POMT2: variants seen among roughly 807,000 people sequenced by gnomAD.
POMT2 encodes protein O-mannosyltransferase 2, also known as protein O-mannosyl-transferase 2.
In POMT2, 75 loss-of-function variants were observed where a neutral mutation model predicts 100.0. That is an observed-to-expected ratio of 0.75 (90% confidence interval 0.62 to 0.91). POMT2 has a LOEUF of 0.91. Ranked by LOEUF, POMT2 falls within the 40% of genes least tolerant of loss-of-function variation. The pLI is 0.00. For missense variants in POMT2, 940 were observed against 955.1 expected, an observed-to-expected ratio of 0.98 and a Z score of 0.21; for synonymous variants, 378 against 374.1, an observed-to-expected ratio of 1.01 and a Z score of -0.12.
Position 77,280,436 on chromosome 14 carries a change from T to C in POMT2, c.1681A>G (p.Asn561Asp), listed in dbSNP as rs1006561976. ...RGNSGLKPKD[N>D]EFTSKPWHWP... is the part of the protein sequence containing the mutation. Reference sequence around the variant, plus strand: ...TGCCAGGGTTTGGACGTGAACTCATTGTCCTTGGGTTTGAGGCCACTGTTC... The same window carrying C: ...TGCCAGGGTTTGGACGTGAACTCATCGTCCTTGGGTTTGAGGCCACTGTTC... The change falls in exon 16 of 21, where the codon AAT becomes GAT. Residue 561 changes from asparagine (N) to aspartate (D), a missense_variant. Physicochemically the swap from Asn to Asp is conservative, Grantham distance 23. Transcript: ENST00000261534. 9.3e-6 allele frequency: 15 copies of C among 1,614,094 alleles called. No homozygotes were observed. In the Admixed American group the frequency reaches 2.2e-4, roughly 23 times the overall value.
At chr14:77,312,084 C>A in intron 1 of POMT2, 51 bp from the exon 2 acceptor site, 1 of 1,599,638 alleles carries the variant, frequency 6.3e-7, no homozygotes, top group South Asian at 1.1e-5. Flanking sequence ...ATCATAAAAT[C>A]CAAATGGCCT....
chr14:77,306,398 G>C lies in POMT2; in HGVS notation c.377C>G (p.Thr126Ser). 4 of 1,613,222 alleles carry C rather than the reference G, an allele frequency of 2.5e-6. No homozygotes were observed. The highest frequency in any genetic ancestry group is 3.4e-6 in the Non-Finnish European group (4 of 1,179,260). Residue 126 changes from threonine to serine, a missense_variant, in exon 3 of 21, where the codon ACC becomes AGC. Transcript: ENST00000261534. Reference sequence around the variant, plus strand: ...ATCCCCAGGCTTCTGGAACAAAAAGGTACCATCATATCCACTCAGGTAGCC... The same window carrying C: ...ATCCCCAGGCTTCTGGAACAAAAAGCTACCATCATATCCACTCAGGTAGCC... ...LAGYLSGYDGTFLFQKPGDKY... is the reference protein window; with the variant it reads ...LAGYLSGYDGSFLFQKPGDKY...
At position 77,288,811 on chromosome 14, in the gene POMT2, G is replaced by A; in HGVS notation, c.1204C>T (p.Pro402Ser). The stretch of plus-strand genomic sequence containing the variant: ...TCTCCATGTCTTACAAACTCCACTG[G>A]GAAGGAAGGGTCTAGGGGATCTGCC... Reference protein sequence around the residue: ...TNSDPLDPSFPVEFVRHGDII... With the variant: ...TNSDPLDPSFSVEFVRHGDII... The change falls in exon 11 of 21, where the codon CCA (proline) becomes TCA (serine). Residue 402 changes from proline (P) to serine (S), a missense_variant. By Grantham distance (74) the Pro-to-Ser change is moderately conservative. Coordinates refer to ENST00000261534, the MANE Select transcript of POMT2 (RefSeq NM_013382.7). 1 of 1,613,790 alleles carries A rather than the reference G, an allele frequency of 6.2e-7. No homozygotes were observed. The highest frequency in any genetic ancestry group is 8.5e-7 in the Non-Finnish European group (1 of 1,179,898).
Position 77,302,832 on chromosome 14 carries a change from G to C in POMT2, c.656+3C>G, listed in dbSNP as rs561052172. The C allele has an allele frequency of 9.2e-5, 148 of 1,607,862 alleles. No homozygotes were observed. The highest frequency in any genetic ancestry group is 8.3e-5 in the Admixed American group (5 of 59,982). On this transcript the variant is annotated splice_donor_region_variant and intron_variant, in intron 5 of 20. Coordinates refer to ENST00000261534, the MANE Select transcript of POMT2 (RefSeq NM_013382.7). ...CTCCCCTCCCGGGGATGGAGTTTCT[G>C]ACCTGTCGGCGCAAGAGTTGTACTT...
Position 77,307,858 on chromosome 14 carries a change from C to CTTTT in POMT2, c.334-1421_334-1418dup, listed in dbSNP as rs57755259. On this transcript the variant is annotated intron_variant, in intron 2 of 20. Transcript: ENST00000261534. ...AAAAGTAGCCCCAAGTTAATTTCTT[C>CTTTT]TTTTTTTTTTTTTTTTTTTTTTGAG... 6.9e-3 allele frequency among the ~76,000 whole-genome samples: 703 copies of CTTTT among 101,184 alleles called. 7 individuals are homozygous for CTTTT. Among genetic ancestry groups the CTTTT allele is most frequent in the African/African-American group, 0.011 (280 of 24,428 alleles). The allele number at this position is 101,184 out of a possible 152,430, so 66.4% of individuals were successfully genotyped here.
intron 8 of POMT2, 73 bp from the exon 9 acceptor site, chr14:77,296,346 CG>C: frequency 9.2e-7 from 1 of 1,081,998 alleles, no homozygotes. Flanking sequence ...CGAGGAGCCT[CG>C]GAAGCCACAG....
chr14:77,306,668 G>A, intron 2 of POMT2: 1 of 457,172 alleles, frequency 2.2e-6, no homozygotes, highest in Admixed American at 3.4e-5. Flanking sequence ...TATGGCCGAG[G>A]TCTAGGAACA....
chr14:77,286,643 AG>A (rs1566648139), intron 12 of POMT2, 100 bp downstream of exon 12: 3 of 1,544,040 alleles, frequency 1.9e-6, no homozygotes, highest in Non-Finnish European at 2.7e-6. Flanking sequence ...TCTTATCCTC[AG>A]GAACATTCCA....
Position 77,299,539 on chromosome 14 carries a change from G to A in POMT2, c.839C>T (p.Thr280Ile), listed in dbSNP as rs920215337. Residue 280 changes from threonine (T) to isoleucine (I), a missense_variant, in exon 7 of 21, where the codon ACT becomes ATT. Thr to Ile is a moderately conservative substitution (Grantham distance 89). Coordinates refer to ENST00000261534, the MANE Select transcript of POMT2 (RefSeq NM_013382.7). ...CACTATGAGGCACAGGACACGAGCA[G>A]TCAGGTGTTTTCCCACAGTCACCTG... ...LSLVTVGKHL[T>I]ARVLCLIVLP... 1.9e-6 allele frequency: 3 copies of A among 1,614,058 alleles called. No homozygotes were observed. The highest frequency in any genetic ancestry group is 2.5e-6 in the Non-Finnish European group (3 of 1,180,012).
chr14:77,320,285 C>T (rs1391239622), intron 1 of POMT2, 149 bp downstream of exon 1: 2 of 1,392,830 alleles, frequency 1.4e-6, no homozygotes, highest in Non-Finnish European at 2.0e-6. Flanking sequence ...ATGCACCTCG[C>T]CAGAGGCCAA....
At chr14:77,283,931 C>G in intron 14 of POMT2, 58 bp from the exon 15 acceptor site, 1 of 1,398,548 alleles carries the variant, frequency 7.2e-7, no homozygotes, top group Non-Finnish European at 1.0e-6. Flanking sequence ...CTCAGTCTGT[C>G]CATGGTGTCC....
intron 20 of POMT2, 113 bp from the exon 21 acceptor site, chr14:77,277,594 G>A (rs762940561): frequency 2.1e-5 from 18 of 877,800 alleles, no homozygotes; most frequent in South Asian, 4.1e-5. Flanking sequence ...CGCCAAGCCC[G>A]GTTCTCTTTC....
intron 2 of POMT2, among the ~76,000 whole-genome samples, 177 bp downstream of exon 2, chr14:77,311,772 G>A (rs532967573): frequency 2.6e-5 from 4 of 152,210 alleles, no homozygotes; most frequent in East Asian, 1.9e-4. Flanking sequence ...GAGCCCAGAG[G>A]ACCCTTAAAA....
intron 10 of POMT2, among the ~76,000 whole-genome samples, chr14:77,289,089 T>G (rs1011782604): frequency 2.0e-5 from 3 of 150,712 alleles, no homozygotes; most frequent in African/African-American, 7.3e-5. Flanking sequence ...GCACTAGAAG[T>G]GTGAAAGAAG....
At chr14:77,283,712 T>C (rs1890309334) in intron 15 of POMT2, 85 bp downstream of exon 15, 29 of 1,170,634 alleles carry the variant, frequency 2.5e-5, no homozygotes, top group Non-Finnish European at 3.5e-5. Flanking sequence ...GGAATGGATC[T>C]GTAGCATGGC....
intron 1 of POMT2, among the ~76,000 whole-genome samples, chr14:77,315,502 T>C (rs1891591759): frequency 6.6e-6 from 1 of 152,198 alleles, no homozygotes; most frequent in Non-Finnish European, 1.5e-5. Context: ...GAAGTTAAAG[T>C]GACATTCCAG....
rs1411505822 is a variant in POMT2 at position 77,278,808 on chromosome 14, G to A, written c.1953C>T (p.Tyr651=). 2.5e-6 allele frequency: 4 copies of A among 1,613,662 alleles called. No individual in the cohort carries two copies. The highest frequency in any genetic ancestry group is 1.3e-5 in the African/African-American group (1 of 75,042). Reference sequence around the variant, plus strand: ...CCCGGCCCATCAGGAAAAACGGGAAGTAATGGAGTGTCCAGCCGAGCAGGA... The same window carrying A: ...CCCGGCCCATCAGGAAAAACGGGAAATAATGGAGTGTCCAGCCGAGCAGGA... The part of the protein sequence containing the change: ...GQVLLGWTLH[Y]FPFFLMGRVL... The change falls in exon 19 of 21, where the codon TAC becomes TAT. Residue 651 remains tyrosine, a synonymous_variant. Coordinates refer to ENST00000261534, the MANE Select transcript of POMT2 (RefSeq NM_013382.7).
chr14:77,301,241 G>C lies in POMT2; in HGVS notation c.665C>G (p.Ser222Cys), dbSNP rs911038793. The C allele has an allele frequency of 2.5e-6, 4 of 1,614,198 alleles. No homozygotes were observed. Among genetic ancestry groups the C allele is most frequent in the Non-Finnish European group, 3.4e-6 (4 of 1,180,044 alleles). The change falls in exon 6 of 21, where the codon TCT becomes TGT. Residue 222 changes from serine (S) to cysteine (C), a missense_variant. Transcript: ENST00000261534. ...KYNSCADRPFSAPWWFWLSLT... is the reference protein window; with the variant it reads ...KYNSCADRPFCAPWWFWLSLT... Reference sequence around the variant, plus strand: ...GCTGAGCCAGAACCACCAGGGGGCAGAGAAGGGCCTGAAAATCAACAAGAC... The same window carrying C: ...GCTGAGCCAGAACCACCAGGGGGCACAGAAGGGCCTGAAAATCAACAAGAC...
intron 3 of POMT2, among the ~76,000 whole-genome samples, chr14:77,305,500 C>A (rs1447453232): frequency 6.6e-6 from 1 of 152,200 alleles, no homozygotes; most frequent in African/African-American, 2.4e-5. Flanking sequence ...TAGGAAGACA[C>A]AGAATCACTT....
Sources: allele counts gnomAD v4.1 joint callset (sites outside exome capture counted in the v4.1 genomes callset), GRCh38; gene constraint gnomAD v4.1.1; transcripts MANE v1.5; gene names NCBI Gene and HGNC (gene_info 2026-07-23, HGNC 2026-07-21).